The following KCNMA1 variants were observed in gnomAD, a reference collection of about 807,000 sequenced individuals.
KCNMA1 encodes the protein Calcium-activated potassium channel subunit alpha-1.
Under a neutral mutation model 140.0 loss-of-function variants are expected in KCNMA1, and 29 were observed. The observed-to-expected ratio is 0.21, with a 90% CI of 0.15 to 0.28. KCNMA1 has a LOEUF of 0.28. KCNMA1 is among the 10% of genes least tolerant of loss of function. The probability of loss-of-function intolerance (pLI) is 1.00; values close to 1 mark genes in which losing one functional copy is unlikely to be tolerated. For missense variants in KCNMA1, 880 were observed against 1,602.2 expected, an observed-to-expected ratio of 0.55 and a Z score of 7.70; for synonymous variants, 612 against 611.9, an observed-to-expected ratio of 1.00 and a Z score of 0.00.
intron 1 of KCNMA1, among the ~76,000 whole-genome samples, chr10:77,581,366 T>A (rs1317751125): frequency 1.3e-5 from 2 of 151,856 alleles, no homozygotes; most frequent in African/African-American, 4.8e-5. Flanking sequence ...CAGAGTGCAG[T>A]GGCGTGATCT....
At chr10:77,286,953 T>C (rs182220053) in intron 2 of KCNMA1, among the ~76,000 whole-genome samples, 1 of 152,314 alleles carries the variant, frequency 6.6e-6, no homozygotes, top group East Asian at 1.9e-4. Context: ...TGGAAAGCAT[T>C]GCCTGTTGAG....
chr10:76,909,975 G>C lies in KCNMA1; in HGVS notation c.3138C>G (p.Leu1046=), dbSNP rs766964098. The change falls in exon 25 of 28, where the codon CTC becomes CTG. Residue 1046 remains leucine (L), a synonymous_variant. Coordinates refer to ENST00000286628, the MANE Select transcript of KCNMA1 (RefSeq NM_001161352.2). ...GAACAGGATAACTCACCGCGCTCATGAGTGAGTCCAGGACACTGACGGCAA... is the reference window on the plus strand; with the variant it reads ...GAACAGGATAACTCACCGCGCTCATCAGTGAGTCCAGGACACTGACGGCAA... ...TAFAVSVLDS[L]MSATYFNDNI... is the part of the protein sequence containing the mutation. The C allele has an allele frequency of 3.0e-5, 48 of 1,613,720 alleles. No individual in the cohort carries two copies. The highest frequency in any genetic ancestry group is 3.8e-5 in the Non-Finnish European group (45 of 1,179,938).
At chr10:77,587,629 C>T (rs556654360) in intron 1 of KCNMA1, 4 of 846,974 alleles carry the variant, frequency 4.7e-6, no homozygotes, top group Non-Finnish European at 4.3e-6. Context: ...GGGCTGCGGG[C>T]CCCTGAGTGT....
intron 12 of KCNMA1, among the ~76,000 whole-genome samples, chr10:77,081,195 C>A (rs926998203): frequency 4.6e-5 from 7 of 152,084 alleles, no homozygotes; most frequent in African/African-American, 1.7e-4. Context: ...ATGAACTGCG[C>A]GACCTTTAGG....
At chr10:77,269,569 G>T (rs1478486216) in intron 2 of KCNMA1, among the ~76,000 whole-genome samples, 1 of 152,132 alleles carries the variant, frequency 6.6e-6, no homozygotes, top group Non-Finnish European at 1.5e-5. Context: ...GGGAAGACCA[G>T]GTATCAGTAT....
rs561832488 is a variant in KCNMA1 at position 77,548,707 on chromosome 10, A to T, written c.378+88558T>A. 3.9e-5 allele frequency among the ~76,000 whole-genome samples: 6 copies of T among 152,328 alleles called. No individual in the cohort carries two copies. The South Asian group carries it at 1.2e-3, about 32-fold the overall frequency. On this transcript the variant is annotated intron_variant, in intron 1 of 27. Coordinates refer to ENST00000286628, the MANE Select transcript of KCNMA1 (RefSeq NM_001161352.2). ...GCCCCAGCTCTGTGGCTAACTCCTG[A>T]TGCAACCTTAGAAGAGTCATATCAT...
At chr10:76,889,387 G>C in intron 27 of KCNMA1, 64 bp downstream of exon 27, 1 of 1,072,180 alleles carries the variant, frequency 9.3e-7, no homozygotes, top group African/African-American at 1.5e-5. Flanking sequence ...TACAGTAGGG[G>C]ACAGGAAAGG....
At chr10:76,958,025 A>C (rs2069111319) in intron 20 of KCNMA1, among the ~76,000 whole-genome samples, 2 of 152,240 alleles carry the variant, frequency 1.3e-5, no homozygotes, top group Admixed American at 1.3e-4. Flanking sequence ...AGTTGTCCAC[A>C]GGGACTAAAT....
At chr10:77,298,368 G>C (rs920228755) in intron 2 of KCNMA1, among the ~76,000 whole-genome samples, 3 of 152,070 alleles carry the variant, frequency 2.0e-5, no homozygotes, top group Middle Eastern at 6.8e-3. Flanking sequence ...TCAGCGTCCC[G>C]AGTAGCTGGG....
At chr10:77,544,289 A>T (rs1395107557) in intron 1 of KCNMA1, among the ~76,000 whole-genome samples, 2 of 152,038 alleles carry the variant, frequency 1.3e-5, no homozygotes, top group African/African-American at 4.8e-5. Context: ...CTGAACTTTG[A>T]TATTTTCAAA....
intron 5 of KCNMA1, among the ~76,000 whole-genome samples, chr10:77,169,464 A>T (rs1426308727): frequency 6.6e-6 from 1 of 151,990 alleles, no homozygotes; most frequent in African/African-American, 2.4e-5. Context: ...ACCACAGCTC[A>T]CTGTAGCTTC....
intron 23 of KCNMA1, among the ~76,000 whole-genome samples, chr10:76,936,915 T>C (rs1375084905): frequency 1.3e-5 from 2 of 152,142 alleles, no homozygotes; most frequent in Non-Finnish European, 2.9e-5. Flanking sequence ...ACTAAAAGAC[T>C]CATGACCCCA....
chr10:77,257,847 C>T lies in KCNMA1; in HGVS notation c.541-6591G>A, dbSNP rs145299724. Reference sequence around the variant, plus strand: ...ATGTGACTTGCTCCTCCTTGCCTTCCGCCATGATTGTTAGGCCTCCCCAGC... The same window carrying T: ...ATGTGACTTGCTCCTCCTTGCCTTCTGCCATGATTGTTAGGCCTCCCCAGC... On this transcript the variant is annotated intron_variant, in intron 2 of 27. Transcript: ENST00000286628. Among the ~76,000 whole-genome samples the T allele has an allele frequency of 8.7e-4, 132 of 152,288 alleles. No homozygotes were observed. In the East Asian group the frequency reaches 0.013, roughly 14 times the overall value.
chr10:77,386,972 T>A (rs2095624376), intron 2 of KCNMA1, among the ~76,000 whole-genome samples: 2 of 152,052 alleles, frequency 1.3e-5, no homozygotes, highest in Non-Finnish European at 2.9e-5. Flanking sequence ...AAAAGCTTTT[T>A]ACAGTGCCGG....
At chr10:77,008,256 TAAATC>T in intron 18 of KCNMA1, 1 of 1,465,910 alleles carries the variant, frequency 6.8e-7, no homozygotes, top group Non-Finnish European at 9.2e-7. Flanking sequence ...AGAAAAAAAA[TAAATC>T]AAAGATATGT....
chr10:77,456,598 TGAA>T (rs2154522331), intron 1 of KCNMA1, among the ~76,000 whole-genome samples: 1 of 152,320 alleles, frequency 6.6e-6, no homozygotes, highest in South Asian at 2.1e-4. Context: ...AAATGTTTGC[TGAA>T]GGAGGGAGGC....
intron 1 of KCNMA1, among the ~76,000 whole-genome samples, chr10:77,439,111 A>AGAAGG (rs2097330834): frequency 7.0e-6 from 1 of 142,868 alleles, no homozygotes; most frequent in African/African-American, 2.6e-5. Flanking sequence ...AGAAGAGAAG[A>AGAAGG]GAAGAGAAGA....
chr10:77,370,255 T>C lies in KCNMA1; in HGVS notation c.540+33607A>G, dbSNP rs541372865. Among the ~76,000 whole-genome samples, 3 of 152,274 alleles carry C rather than the reference T, an allele frequency of 2.0e-5. No individual in the cohort carries two copies. The South Asian group carries it at 6.2e-4, about 32-fold the overall frequency. On this transcript the variant is annotated intron_variant, in intron 2 of 27. Coordinates refer to ENST00000286628, the MANE Select transcript of KCNMA1 (RefSeq NM_001161352.2). Reference sequence around the variant, plus strand: ...TTTCTCTTTAAAGTTGCAGGTCCTTTGGGGGTTTGGAAACATTCAGAGAGG... The same window carrying C: ...TTTCTCTTTAAAGTTGCAGGTCCTTCGGGGGTTTGGAAACATTCAGAGAGG...
At chr10:77,220,202 C>T (rs1345337237) in intron 3 of KCNMA1, among the ~76,000 whole-genome samples, 2 of 152,208 alleles carry the variant, frequency 1.3e-5, no homozygotes, top group African/African-American at 2.4e-5. Flanking sequence ...AATAAGATCA[C>T]TTAGCTGGTG....
Sources: gnomAD v4.1 joint callset for allele counts (sites outside exome capture counted in the v4.1 genomes callset) on GRCh38, gnomAD v4.1.1 for gene constraint, MANE v1.5 for transcripts, NCBI Gene and HGNC (gene_info 2026-07-23, HGNC 2026-07-21) for gene names.